Variants in ZNRF1 observed in about 807,000 individuals in gnomAD.
ZNRF1 encodes zinc and ring finger 1, also known as E3 ubiquitin-protein ligase ZNRF1.
Under a neutral mutation model 18.4 loss-of-function variants are expected in ZNRF1, and 3 were observed. The ratio of observed to expected loss-of-function variants is 0.16; its 90% CI spans 0.07 to 0.42. The LOEUF (loss-of-function observed/expected upper bound fraction) is 0.42, where lower values mean the gene tolerates loss of function less well. ZNRF1 is among the 10% of genes least tolerant of loss of function. The pLI is 0.99. For missense variants in ZNRF1, 310 were observed against 329.8 expected, an observed-to-expected ratio of 0.94 and a Z score of 0.47; for synonymous variants, 157 against 144.2, an observed-to-expected ratio of 1.09 and a Z score of -0.64.
chr16:75,001,600 C>T (rs2034850319), intron 1 of ZNRF1, among the ~76,000 whole-genome samples: 1 of 152,006 alleles, frequency 6.6e-6, no homozygotes, highest in Admixed American at 6.6e-5. Context: ...AGAGAGTTAG[C>T]CATATTTTTG....
intron 4 of ZNRF1, 190 bp from the exon 5 acceptor site, chr16:75,107,543 G>T (rs962735799): frequency 8.5e-6 from 3 of 351,672 alleles, no homozygotes; most frequent in Middle Eastern, 1.0e-3. Context: ...AAAGAGCCAG[G>T]GGGGAGAGTG....
chr16:75,073,028 G>A (rs1417717559), intron 1 of ZNRF1, among the ~76,000 whole-genome samples: 2 of 151,976 alleles, frequency 1.3e-5, no homozygotes, highest in Non-Finnish European at 2.9e-5. Context: ...AGTAGCTCAC[G>A]CCTGTAATCC....
intron 2 of ZNRF1, among the ~76,000 whole-genome samples, chr16:75,094,128 T>C (rs1172851508): frequency 6.6e-6 from 1 of 152,108 alleles, no homozygotes; most frequent in Non-Finnish European, 1.5e-5. Flanking sequence ...AAGCTGGTCG[T>C]CTCCTTGTCA....
intron 1 of ZNRF1, among the ~76,000 whole-genome samples, chr16:75,050,679 T>C (rs1439921347): frequency 6.6e-6 from 1 of 151,252 alleles, no homozygotes; most frequent in Non-Finnish European, 1.5e-5. Context: ...CCATCCTGGC[T>C]AACACGGTGA....
At chr16:75,044,502 T>G (rs2035488864) in intron 1 of ZNRF1, among the ~76,000 whole-genome samples, 1 of 152,010 alleles carries the variant, frequency 6.6e-6, no homozygotes, top group South Asian at 2.1e-4. Flanking sequence ...GCTGGGATTA[T>G]AGGCATGATG....
At chr16:75,045,033 T>G (rs1206318757) in intron 1 of ZNRF1, among the ~76,000 whole-genome samples, 1 of 152,188 alleles carries the variant, frequency 6.6e-6, no homozygotes, top group Non-Finnish European at 1.5e-5. Flanking sequence ...TTTTCTGTAA[T>G]GTGGGAAACA....
chr16:75,003,348 GA>G lies in ZNRF1; in HGVS notation c.424+3254del, dbSNP rs1159938372. On this transcript the variant is annotated intron_variant, in intron 1 of 4. Transcript: ENST00000335325. ...TTTGCCTAAAGTCTAAGCTCCGTGA[GA>G]GCAGGACTGTGTTCCTTGATCTCTG... Among the ~76,000 whole-genome samples, 6 of 152,330 alleles carry G rather than the reference GA, an allele frequency of 3.9e-5. No homozygotes were observed. The East Asian group carries it at 9.6e-4, about 24-fold the overall frequency.
At chr16:75,043,380 A>G (rs1183064284) in intron 1 of ZNRF1, among the ~76,000 whole-genome samples, 1 of 152,196 alleles carries the variant, frequency 6.6e-6, no homozygotes, top group Non-Finnish European at 1.5e-5. Context: ...ACTTTAAGGA[A>G]CATTTTTTCT....
chr16:75,053,543 C>G (rs2035631810), intron 1 of ZNRF1, among the ~76,000 whole-genome samples: 1 of 138,564 alleles, frequency 7.2e-6, no homozygotes, highest in Non-Finnish European at 1.5e-5. Flanking sequence ...GAGCCGAGAT[C>G]ACACCATTGC....
At chr16:75,003,079 G>A (rs377208728) in intron 1 of ZNRF1, among the ~76,000 whole-genome samples, 3 of 152,096 alleles carry the variant, frequency 2.0e-5, no homozygotes, top group African/African-American at 4.8e-5. Context: ...TCAGCCTCCC[G>A]AGTAGCTGGG....
intron 1 of ZNRF1, among the ~76,000 whole-genome samples, chr16:75,014,033 G>A (rs2035034736): frequency 6.6e-6 from 1 of 151,876 alleles, no homozygotes. Context: ...GTTTCACCGT[G>A]TTGGCCAGGC....
intron 1 of ZNRF1, among the ~76,000 whole-genome samples, chr16:75,085,112 C>T (rs753223606): frequency 2.6e-5 from 4 of 152,026 alleles, no homozygotes; most frequent in African/African-American, 7.3e-5. Context: ...CAAACACATA[C>T]GCGTGTGTAA....
At chr16:75,095,749 A>G in intron 2 of ZNRF1, 2 of 1,523,116 alleles carry the variant, frequency 1.3e-6, no homozygotes, top group South Asian at 2.4e-5. Flanking sequence ...AGAACCGGGA[A>G]GGTGAGGCTG....
At chr16:75,048,420 C>T (rs370098967) in intron 1 of ZNRF1, among the ~76,000 whole-genome samples, 1 of 152,144 alleles carries the variant, frequency 6.6e-6, no homozygotes, top group Non-Finnish European at 1.5e-5. Context: ...CACTATTCAG[C>T]CCCTAACATT....
chr16:75,019,927 G>A (rs765917898), intron 1 of ZNRF1, among the ~76,000 whole-genome samples: 3 of 152,134 alleles, frequency 2.0e-5, no homozygotes, highest in Non-Finnish European at 2.9e-5. Flanking sequence ...GGTTCGCCAT[G>A]TTGCCCAGGC....
chr16:75,015,624 C>G lies in ZNRF1; in HGVS notation c.424+15529C>G, dbSNP rs541504058. On this transcript the variant is annotated intron_variant, in intron 1 of 4. Transcript: ENST00000335325. ...CTCAAGACAGGATCTCACTCTGTTG[C>G]CCAGGCTGGACTGTAGTGGCGCCAT... Among the ~76,000 whole-genome samples the G allele has an allele frequency of 4.5e-4, 68 of 152,276 alleles. 1 individual carries two copies. The highest frequency in any genetic ancestry group is 3.4e-3 in the Middle Eastern group (1 of 294).
At chr16:75,095,825 A>C in intron 2 of ZNRF1, 2 of 1,359,544 alleles carry the variant, frequency 1.5e-6, no homozygotes, top group South Asian at 3.5e-5. Flanking sequence ...CCTCTGTATC[A>C]GCACTTGAGT....
Position 74,999,857 on chromosome 16 carries a change from C to T in ZNRF1, c.186C>T (p.Ser62=). The T allele has an allele frequency of 6.6e-7, 1 of 1,509,260 alleles. No homozygotes were observed. Among genetic ancestry groups the T allele is most frequent in the Non-Finnish European group, 8.8e-7 (1 of 1,133,168 alleles). 93.5% of individuals were successfully genotyped at this position (1,509,260 alleles called of 1,614,324 possible). The part of the protein sequence containing the change: ...SSVAGMGMDP[S]TAGGVPFGLY... ...TGGCAGGCATGGGCATGGACCCCAG[C>T]ACGGCCGGGGGGGTGCCCTTTGGCC... The change falls in exon 1 of 5, where the codon AGC becomes AGT. Residue 62 remains serine (S), a synonymous_variant. Transcript: ENST00000335325.
chr16:75,098,351 G>A (rs1008764140), intron 2 of ZNRF1, among the ~76,000 whole-genome samples: 2 of 152,204 alleles, frequency 1.3e-5, no homozygotes, highest in Admixed American at 6.5e-5. Context: ...AGTATGAAGC[G>A]CTCCAGGCCT....
Sources: allele counts gnomAD v4.1 joint callset (sites outside exome capture counted in the v4.1 genomes callset), GRCh38; gene constraint gnomAD v4.1.1; transcripts MANE v1.5; gene names NCBI Gene and HGNC (gene_info 2026-07-23, HGNC 2026-07-21).